ACY1: variants seen among roughly 807,000 people sequenced by gnomAD.
ACY1 encodes the protein aminoacylase-1.
In ACY1, 38 loss-of-function variants were observed where a neutral mutation model predicts 53.3. The ratio of observed to expected loss-of-function variants is 0.71; its 90% CI spans 0.55 to 0.93. ACY1 has a LOEUF of 0.93. ACY1 is among the 40% of genes least tolerant of loss of function. The probability of loss-of-function intolerance (pLI) is 0.00; values close to 1 mark genes in which losing one functional copy is unlikely to be tolerated. For synonymous variants in ACY1, 177 were observed against 202.1 expected (o/e 0.88, Z 1.05); for missense variants, 484 against 540.9 (o/e 0.89, Z 1.04).
intron 5 of ACY1, 45 bp from the exon 6 acceptor site, chr3:51,986,210 T>C (rs570814154): frequency 6.3e-7 from 1 of 1,599,094 alleles, no homozygotes. Context: ...GGGGCCAGCC[T>C]GCGCATCTGG....
intron 2 of ACY1, 141 bp downstream of exon 2, chr3:51,984,299 C>T: frequency 1.3e-6 from 1 of 761,994 alleles, no homozygotes; most frequent in Non-Finnish European, 2.3e-6. Flanking sequence ...AGCCATTCCC[C>T]AAGTAAATAG....
Position 51,989,177 on chromosome 3 carries a change from G to C in ACY1, c.*102G>C, listed in dbSNP as rs138645688. On this transcript the variant is annotated 3_prime_UTR_variant, in exon 15 of 15. Coordinates refer to ENST00000636358, the MANE Select transcript of ACY1 (RefSeq NM_000666.3). Reference sequence around the variant, plus strand: ...AATAATAAAGTCTATGGACAGGGCTGTCTCTGAAGTACTAACACAAGGACA... The same window carrying C: ...AATAATAAAGTCTATGGACAGGGCTCTCTCTGAAGTACTAACACAAGGACA... 4.2e-3 allele frequency: 6,259 copies of C among 1,499,992 alleles called. 18 individuals carry two copies. Among genetic ancestry groups the C allele is most frequent in the Non-Finnish European group, 5.1e-3 (5,558 of 1,094,560 alleles). The allele number at this position is 1,499,992 out of a possible 1,614,324, so 92.9% of individuals were successfully genotyped here. A position where few individuals can be genotyped will look rare whatever the true frequency, so the allele number is the denominator to read the frequency against.
intron 1 of ACY1, 132 bp downstream of exon 1, chr3:51,983,721 G>C: frequency 2.8e-6 from 1 of 362,448 alleles, no homozygotes; most frequent in Non-Finnish European, 5.1e-6. Flanking sequence ...AGGAGGGCGG[G>C]GGGAGTACAA....
chr3:51,984,227 TCCAACC>T, intron 2 of ACY1, 69 bp downstream of exon 2: 1 of 1,446,732 alleles, frequency 6.9e-7, no homozygotes, highest in African/African-American at 1.4e-5. Context: ...TAAACCAGCC[TCCAACC>T]CCTGTCACCC....
chr3:51,986,992 G>A lies in ACY1; in HGVS notation c.588G>A (p.Val196=). The part of the protein sequence containing the change: ...VFYSERSPWW[V]RVTSTGRPGH... ...CTTCCCCCTACACCTCCCCAGGGGT[G>A]CGGGTTACCAGCACTGGGAGGCCAG... The change falls in exon 9 of 15, where the codon GTG becomes GTA. Residue 196 remains valine, a synonymous_variant. Coordinates refer to ENST00000636358, the MANE Select transcript of ACY1 (RefSeq NM_000666.3). 1.2e-6 allele frequency: 2 copies of A among 1,612,408 alleles called. No individual in the cohort carries two copies. The highest frequency in any genetic ancestry group is 8.5e-7 in the Non-Finnish European group (1 of 1,179,962).
intron 8 of ACY1, 111 bp from the exon 9 acceptor site, chr3:51,986,877 G>T: frequency 7.5e-7 from 1 of 1,335,188 alleles, no homozygotes; most frequent in South Asian, 1.2e-5. Context: ...AGTGGGGACA[G>T]GACCCTGCCA....
rs1701042382 is a variant in ACY1, at chr3:51,985,993, A to G, written c.359+47A>G. ...TCCTCCACAATGTCCCCACTGGTCC[A>G]GTGGATTGAAGCAGGACCTGAGGGG... is the stretch of plus-strand genomic sequence containing the variant. On this transcript the variant is annotated intron_variant, in intron 5 of 14. Transcript: ENST00000636358. 6 of 1,546,932 alleles carry G rather than the reference A, an allele frequency of 3.9e-6. No individual in the cohort carries two copies. The African/African-American group carries it at 6.8e-5, about 18-fold the overall frequency.
chr3:51,984,551 C>G (rs1423343338), intron 2 of ACY1: 1 of 349,154 alleles, frequency 2.9e-6, no homozygotes, highest in Admixed American at 4.0e-5. Flanking sequence ...GAGGTGGCTC[C>G]TGCCTGTTAT....
In ACY1 at chr3:51,984,079, T is replaced by A. The variant is rs1029013461; in HGVS notation, c.15T>A (p.Gly5=). 6.2e-7 allele frequency: 1 copy of A among 1,613,312 alleles called. No homozygotes were observed. ...CGCGCAGCGCCATGACCAGCAAGGG[T>A]CCCGAGGAGGAGCACCCATCGGTGA... MTSK[G]PEEEHPSVTL... The change falls in exon 2 of 15, where the codon GGT becomes GGA. Residue 5 remains glycine, a synonymous_variant. Transcript: ENST00000636358.
Position 51,985,900 on chromosome 3 carries a change from T to C in ACY1, c.313T>C (p.Tyr105His), listed in dbSNP as rs1399576935. 6.2e-7 allele frequency: 1 copy of C among 1,613,516 alleles called. No individual in the cohort carries two copies. The highest frequency in any genetic ancestry group is 8.5e-7 in the Non-Finnish European group (1 of 1,179,828). Residue 105 changes from tyrosine (Y) to histidine (H), a missense_variant, in exon 5 of 15, where the codon TAC (tyrosine) becomes CAC (histidine). By Grantham distance (83) the Tyr-to-His change is moderately conservative. Coordinates refer to ENST00000636358, the MANE Select transcript of ACY1 (RefSeq NM_000666.3). ...TGAGGCCTTCAAGGATTCTGAGGGC[T>C]ACATCTATGCCAGGGGTGCCCAGGA... is the stretch of plus-strand genomic sequence containing the variant. ...PFEAFKDSEG[Y>H]IYARGAQDMK...
In ACY1 at chr3:51,985,899, C is replaced by G. The variant is rs2106832799; in HGVS notation, c.312C>G (p.Gly104=). The change falls in exon 5 of 15, where the codon GGC becomes GGG. Residue 104 remains glycine (G), a synonymous_variant. Coordinates refer to ENST00000636358, the MANE Select transcript of ACY1 (RefSeq NM_000666.3). ...TTGAGGCCTTCAAGGATTCTGAGGG[C>G]TACATCTATGCCAGGGGTGCCCAGG... The part of the protein sequence containing the change: ...DPFEAFKDSE[G]YIYARGAQDM... The G allele has an allele frequency of 1.9e-6, 3 of 1,613,634 alleles. No individual in the cohort carries two copies. In the South Asian group the frequency reaches 3.3e-5, roughly 18 times the overall value.
chr3:51,986,064 C>G (rs1202179246), intron 5 of ACY1, 118 bp downstream of exon 5: 1 of 1,142,384 alleles, frequency 8.8e-7, no homozygotes, highest in Non-Finnish European at 1.3e-6. Context: ...ACCTCTTGGA[C>G]AGGAACTACT....
Position 51,989,180 on chromosome 3 carries a change from T to C in ACY1, c.*105T>C. Reference sequence around the variant, plus strand: ...AATAAAGTCTATGGACAGGGCTGTCTCTGAAGTACTAACACAAGGACACTC... The same window carrying C: ...AATAAAGTCTATGGACAGGGCTGTCCCTGAAGTACTAACACAAGGACACTC... On this transcript the variant is annotated 3_prime_UTR_variant, in exon 15 of 15. Transcript: ENST00000636358. The C allele has an allele frequency of 1.3e-6, 2 of 1,485,348 alleles. No individual in the cohort carries two copies. Among genetic ancestry groups the C allele is most frequent in the Non-Finnish European group, 1.8e-6 (2 of 1,081,788 alleles). 92.0% of individuals were successfully genotyped at this position (1,485,348 alleles called of 1,614,324 possible). A position where few individuals can be genotyped will look rare whatever the true frequency, so the allele number is the denominator to read the frequency against.
intron 11 of ACY1, 25 bp downstream of exon 11, chr3:51,987,478 G>A (rs1413215170): frequency 4.3e-6 from 7 of 1,614,068 alleles, no homozygotes; most frequent in African/African-American, 1.3e-5. Context: ...TGGGTTTGGA[G>A]GAGGGATCCT....
chr3:51,983,618 C>G (rs1451861692), intron 1 of ACY1, 29 bp downstream of exon 1: 3 of 275,144 alleles, frequency 1.1e-5, no homozygotes, highest in Non-Finnish European at 2.1e-5. Flanking sequence ...GATAGAGGGA[C>G]TGGGGCTCCG....
At chr3:51,984,454 A>G in intron 2 of ACY1, 1 of 486,468 alleles carries the variant, frequency 2.1e-6, no homozygotes, top group South Asian at 2.1e-5. Context: ...AGGCAGCCAC[A>G]GGGAAAGGAG....
Position 51,988,987 on chromosome 3 carries a change from A to C in ACY1, c.1139A>C (p.His380Pro). Residue 380 changes from histidine (H) to proline (P), a missense_variant, in exon 15 of 15, where the codon CAT (histidine) becomes CCT (proline). Transcript: ENST00000636358. Reference sequence around the variant, plus strand: ...CTGCACGACCACGATGAACGGCTGCATGAGGCTGTGTTCCTCCGTGGGGTG... The same window carrying C: ...CTGCACGACCACGATGAACGGCTGCCTGAGGCTGTGTTCCTCCGTGGGGTG... Reference protein sequence around the residue: ...VLLHDHDERLHEAVFLRGVDI... With the variant: ...VLLHDHDERLPEAVFLRGVDI... The C allele has an allele frequency of 6.2e-7, 1 of 1,614,164 alleles. No individual in the cohort carries two copies. Among genetic ancestry groups the C allele is most frequent in the East Asian group, 2.2e-5 (1 of 44,880 alleles).
chr3:51,986,904 G>A, intron 8 of ACY1, 84 bp from the exon 9 acceptor site: 2 of 1,461,478 alleles, frequency 1.4e-6, no homozygotes, highest in South Asian at 1.2e-5. Context: ...CCTGGAATGA[G>A]GGGGAGACCT....
intron 12 of ACY1, 154 bp downstream of exon 12, chr3:51,987,778 G>T: frequency 1.2e-6 from 1 of 822,462 alleles, no homozygotes. Context: ...CATTGTAGAG[G>T]CCACTGTGGG....
Sources: gnomAD v4.1 joint callset for allele counts on GRCh38, gnomAD v4.1.1 for gene constraint, MANE v1.5 for transcripts, NCBI Gene and HGNC (gene_info 2026-07-23, HGNC 2026-07-21) for gene names.